SHANK2: variants seen among roughly 807,000 people sequenced by gnomAD.
The protein encoded by SHANK2 is SH3 and multiple ankyrin repeat domains protein 2.
SHANK2 carries 43 observed loss-of-function variants against 133.7 expected under a neutral mutation model. That is an observed-to-expected ratio of 0.32 (90% confidence interval 0.25 to 0.41). SHANK2 has a LOEUF of 0.41. SHANK2 is among the 10% of genes least tolerant of loss of function. The pLI is 1.00. For missense variants in SHANK2, 1,994 were observed against 2,235.8 expected, an observed-to-expected ratio of 0.89 and a Z score of 2.18; for synonymous variants, 1,017 against 952.8, an observed-to-expected ratio of 1.07 and a Z score of -1.24.
chr11:70,636,585 GTC>G (rs1379424225), intron 17 of SHANK2, among the ~76,000 whole-genome samples: 19 of 147,742 alleles, frequency 1.3e-4, no homozygotes, highest in South Asian at 2.2e-4. Context: ...ATGAATGTGA[GTC>G]TGTGTGAGTG....
At chr11:70,533,255 T>A (rs1554973561) in intron 17 of SHANK2, among the ~76,000 whole-genome samples, 1 of 152,208 alleles carries the variant, frequency 6.6e-6, no homozygotes, top group African/African-American at 2.4e-5. Flanking sequence ...TTTTACATTT[T>A]TAGACTTTTA....
intron 17 of SHANK2, among the ~76,000 whole-genome samples, chr11:70,564,564 A>G (rs971607333): frequency 2.0e-5 from 3 of 152,056 alleles, no homozygotes; most frequent in Admixed American, 2.0e-4. Flanking sequence ...CCAGCCTTCA[A>G]GTATTTTTTC....
intron 11 of SHANK2, among the ~76,000 whole-genome samples, chr11:70,853,075 G>A (rs1949114738): frequency 6.6e-6 from 1 of 152,274 alleles, no homozygotes; most frequent in Non-Finnish European, 1.5e-5. Flanking sequence ...GGTGCCCCCT[G>A]CTGAGACACC....
Position 70,486,491 on chromosome 11 carries a change from T to TCAC in SHANK2, c.3801_3802insGTG (p.Gln1267_Asn1268insVal), listed in dbSNP as rs782300516. 1.2e-6 allele frequency: 2 copies of TCAC among 1,614,142 alleles called. No individual in the cohort carries two copies. The highest frequency in any genetic ancestry group is 1.7e-6 in the Non-Finnish European group (2 of 1,180,022). On this transcript the variant is annotated inframe_insertion, in exon 25 of 26. Transcript: ENST00000601538. The surrounding 1 kb of genome is among the most constrained non-coding windows in gnomAD (Gnocchi z 8.0). ...TGCCGCCTCAGGGGTCCCCGGGTGT[T>TCAC]CTGCCTGGTGACCGTAGGGAAGCCG...
chr11:71,110,198 T>G (rs7944885), intron 5 of SHANK2, 149 bp from the exon 6 acceptor site: 8 of 612,432 alleles, frequency 1.3e-5, no homozygotes, highest in Admixed American at 1.0e-4. Flanking sequence ...CAGCACTTTG[T>G]GAGGCCGAGG....
intron 17 of SHANK2, among the ~76,000 whole-genome samples, chr11:70,526,938 T>C (rs1320710621): frequency 2.9e-5 from 4 of 137,606 alleles, no homozygotes; most frequent in African/African-American, 5.3e-5. Flanking sequence ...GGAGCATCCC[T>C]GTCCTCGTCT....
At chr11:70,944,102 T>C (rs972979468) in intron 10 of SHANK2, among the ~76,000 whole-genome samples, 1 of 152,234 alleles carries the variant, frequency 6.6e-6, no homozygotes, top group Non-Finnish European at 1.5e-5. Flanking sequence ...CAATTCTATT[T>C]CCCTCGAGTA....
chr11:70,615,504 C>G (rs1366024806), intron 17 of SHANK2, among the ~76,000 whole-genome samples: 1 of 152,150 alleles, frequency 6.6e-6, no homozygotes, highest in African/African-American at 2.4e-5. Context: ...GTATAAAACC[C>G]AGGAGGAGCT....
chr11:70,631,401 CACACACA>C (rs2060987400), intron 17 of SHANK2, among the ~76,000 whole-genome samples: 1 of 150,574 alleles, frequency 6.6e-6, no homozygotes, highest in South Asian at 2.1e-4. Flanking sequence ...CACACACACA[CACACACA>C]CCCACACAAC....
intron 22 of SHANK2, among the ~76,000 whole-genome samples, chr11:70,491,073 C>G (rs1412590823): frequency 6.6e-6 from 1 of 152,222 alleles, no homozygotes; most frequent in Non-Finnish European, 1.5e-5. Context: ...AAGCAGAGTC[C>G]TGGTGCTGCC....
At chr11:70,747,750 C>A (rs1946670259) in intron 14 of SHANK2, among the ~76,000 whole-genome samples, 1 of 152,202 alleles carries the variant, frequency 6.6e-6, no homozygotes, top group Non-Finnish European at 1.5e-5. Flanking sequence ...TATGTGTGAA[C>A]AGGCACGTGT....
At position 70,486,794 on chromosome 11, in the gene SHANK2, C is replaced by G. The variant is rs782818760; in HGVS notation, c.3499G>C (p.Gly1167Arg). The G allele has an allele frequency of 5.6e-6, 9 of 1,612,058 alleles. No individual in the cohort carries two copies. The highest frequency in any genetic ancestry group is 6.8e-6 in the Non-Finnish European group (8 of 1,179,938). ...GAATTCAGCGGCCTCCCAGCCTCAC[C>G]CGGAGCACTGGCCTCGGCGCCACCC... ...FVGGAEASAP[G>R]EAGRPLNSTS... Residue 1167 changes from glycine to arginine, a missense_variant, in exon 25 of 26, where the codon GGT becomes CGT. Coordinates refer to ENST00000601538, the MANE Select transcript of SHANK2 (RefSeq NM_012309.5). The surrounding 1 kb of genome is among the most constrained non-coding windows in gnomAD (Gnocchi z 8.0).
At chr11:70,612,825 A>G (rs1026239002) in intron 17 of SHANK2, among the ~76,000 whole-genome samples, 75 of 152,182 alleles carry the variant, frequency 4.9e-4, no homozygotes, top group African/African-American at 1.8e-3. Flanking sequence ...TCCATACGCA[A>G]TATCAGACTC....
chr11:71,198,255 G>T (rs2135613025), intron 2 of SHANK2, among the ~76,000 whole-genome samples: 1 of 152,218 alleles, frequency 6.6e-6, no homozygotes, highest in East Asian at 1.9e-4. Context: ...AGGCACTTTT[G>T]CCTTTGTATG....
At chr11:70,763,997 G>A (rs937697566) in intron 14 of SHANK2, among the ~76,000 whole-genome samples, 3 of 152,044 alleles carry the variant, frequency 2.0e-5, no homozygotes, top group Admixed American at 6.6e-5. Context: ...CAGAGCTGTG[G>A]GAATCATAGA....
intron 14 of SHANK2, among the ~76,000 whole-genome samples, chr11:70,764,157 C>T (rs1555040843): frequency 7.5e-6 from 1 of 133,994 alleles, no homozygotes. Flanking sequence ...CTTCCCCTCT[C>T]TCTTTTGTCC....
At chr11:70,925,738 A>G (rs1356686519) in intron 10 of SHANK2, among the ~76,000 whole-genome samples, 1 of 152,204 alleles carries the variant, frequency 6.6e-6, no homozygotes, top group Non-Finnish European at 1.5e-5. Context: ...GTGTGCAGAC[A>G]GCACTAACTT....
At chr11:70,783,335 C>T (rs1591840321) in intron 14 of SHANK2, among the ~76,000 whole-genome samples, 1 of 152,112 alleles carries the variant, frequency 6.6e-6, no homozygotes, top group Non-Finnish European at 1.5e-5. Context: ...GGAAGGGCAC[C>T]CACGTTTACA....
At chr11:70,573,630 C>T (rs548194264) in intron 17 of SHANK2, among the ~76,000 whole-genome samples, 5 of 152,066 alleles carry the variant, frequency 3.3e-5, no homozygotes, top group African/African-American at 1.2e-4. Flanking sequence ...CCCCAGTGGC[C>T]CCTCCTACAT....
Sources: allele counts gnomAD v4.1 joint callset (sites outside exome capture counted in the v4.1 genomes callset), GRCh38; gene constraint gnomAD v4.1.1; non-coding constraint Gnocchi (gnomAD v3.1); transcripts MANE v1.5; gene names NCBI Gene and HGNC (gene_info 2026-07-23, HGNC 2026-07-21).